The following MAN1A2 variants were observed in gnomAD, a reference collection of about 807,000 sequenced individuals.
MAN1A2 encodes the protein mannosyl-oligosaccharide 1,2-alpha-mannosidase IB.
MAN1A2 carries 26 observed loss-of-function variants against 75.7 expected under a neutral mutation model. That is an observed-to-expected ratio of 0.34 (90% CI 0.25 to 0.48). MAN1A2 has a LOEUF of 0.48. Among genes scored for constraint, MAN1A2 ranks in the 20% least tolerant of loss-of-function variants. MAN1A2 has a pLI of 0.99. For synonymous variants in MAN1A2, 247 were observed against 264.6 expected (o/e 0.93, Z 0.65); for missense variants, 562 against 775.5 (o/e 0.72, Z 3.27).
intron 3 of MAN1A2, among the ~76,000 whole-genome samples, chr1:117,409,247 G>A (rs1647725930): frequency 6.6e-6 from 1 of 152,004 alleles, no homozygotes; most frequent in South Asian, 2.1e-4. Flanking sequence ...CTTTTCTAAT[G>A]TGTTTATTAC....
At chr1:117,440,805 T>C (rs12402290) in intron 5 of MAN1A2, among the ~76,000 whole-genome samples, 11,606 of 152,142 alleles carry the variant, frequency 0.076, 493 homozygotes, top group Middle Eastern at 0.14. Flanking sequence ...AACAAAGATA[T>C]AGTATTAATA....
In MAN1A2 at chr1:117,528,024, A is replaced by G. The variant is rs1006586762; in HGVS notation, c.*5067A>G. 12 of 152,076 alleles carry G rather than the reference A, an allele frequency of 7.9e-5. No homozygotes were observed. The highest frequency in any genetic ancestry group is 2.4e-4 in the African/African-American group (10 of 41,436). The allele number at this position is 152,076 out of a possible 1,614,324, so 9.4% of individuals were successfully genotyped here. On this transcript the variant is annotated 3_prime_UTR_variant, in exon 13 of 13. Coordinates refer to ENST00000356554, the MANE Select transcript of MAN1A2 (RefSeq NM_006699.5). ...CAAAAGGAGAATCCCTTTCTCTTGC[A>G]TAACTCTCAATCCTTTACAAGTAAG...
intron 10 of MAN1A2, among the ~76,000 whole-genome samples, chr1:117,497,875 C>T (rs957647068): frequency 4.6e-5 from 7 of 151,778 alleles, no homozygotes; most frequent in East Asian, 1.9e-4. Context: ...TATTTGATTT[C>T]GGAAGTTGAA....
intron 5 of MAN1A2, among the ~76,000 whole-genome samples, chr1:117,427,285 T>C (rs1648406851): frequency 6.6e-6 from 1 of 152,154 alleles, no homozygotes; most frequent in Non-Finnish European, 1.5e-5. Flanking sequence ...AAAATATTTC[T>C]GAAATGACCA....
chr1:117,497,303 AAC>A (rs1311295764), intron 10 of MAN1A2, among the ~76,000 whole-genome samples: 2 of 152,034 alleles, frequency 1.3e-5, no homozygotes, highest in South Asian at 2.1e-4. Context: ...CTTCTATAAA[AAC>A]AGTTACTTAA....
At chr1:117,381,813 G>A (rs1011186286) in intron 1 of MAN1A2, among the ~76,000 whole-genome samples, 18 of 152,070 alleles carry the variant, frequency 1.2e-4, no homozygotes, top group Non-Finnish European at 2.5e-4. Flanking sequence ...CAGTGTAAAA[G>A]TATTCCTATT....
At chr1:117,518,339 T>G (rs1557982355) in intron 12 of MAN1A2, among the ~76,000 whole-genome samples, 1 of 152,040 alleles carries the variant, frequency 6.6e-6, no homozygotes. Context: ...TTCAAATCCC[T>G]TTTATAAGTA....
intron 10 of MAN1A2, 39 bp from the exon 11 acceptor site, chr1:117,499,343 G>GTTT: frequency 7.1e-7 from 1 of 1,401,166 alleles, no homozygotes; most frequent in Non-Finnish European, 9.5e-7. Context: ...AAACATAAAT[G>GTTT]GTTTATTTTG....
Position 117,523,345 on chromosome 1 carries a change from T to C in MAN1A2, c.*388T>C. On this transcript the variant is annotated 3_prime_UTR_variant, in exon 13 of 13. Transcript: ENST00000356554. ...GATGGCCTTTGGAACCAATTATGTA[T>C]TTGTTTCCTCCTACAGTGGAGCAGC... is the stretch of plus-strand genomic sequence containing the variant. 2.2e-6 allele frequency: 1 copy of C among 463,236 alleles called. No individual in the cohort carries two copies. The highest frequency in any genetic ancestry group is 1.6e-5 in the South Asian group (1 of 61,990). The allele number at this position is 463,236 out of a possible 1,614,324, so 28.7% of individuals were successfully genotyped here.
Position 117,525,205 on chromosome 1 carries a change from TACAA to T in MAN1A2, c.*2254_*2257del, listed in dbSNP as rs768079599. 3.5e-5 allele frequency: 17 copies of T among 491,108 alleles called. No individual in the cohort carries two copies. Among genetic ancestry groups the T allele is most frequent in the Middle Eastern group, 6.6e-4 (2 of 3,048 alleles). 30.4% of individuals were successfully genotyped at this position (491,108 alleles called of 1,614,324 possible). On this transcript the variant is annotated 3_prime_UTR_variant, in exon 13 of 13. Coordinates refer to ENST00000356554, the MANE Select transcript of MAN1A2 (RefSeq NM_006699.5). ...AGTATACAAGCAGAGCCAGTTCTGG[TACAA>T]ACAAAGAATTTGACAGGGACAATGG...
At chr1:117,459,002 C>G (rs1253695269) in intron 6 of MAN1A2, among the ~76,000 whole-genome samples, 1 of 151,976 alleles carries the variant, frequency 6.6e-6, no homozygotes, top group Non-Finnish European at 1.5e-5. Context: ...GAAAGCTAGA[C>G]AAAATATATA....
chr1:117,385,720 C>T (rs1405256239), intron 1 of MAN1A2, among the ~76,000 whole-genome samples: 1 of 152,166 alleles, frequency 6.6e-6, no homozygotes, highest in African/African-American at 2.4e-5. Context: ...GCAACTGTAA[C>T]ACATGCAGAA....
intron 5 of MAN1A2, among the ~76,000 whole-genome samples, chr1:117,424,457 G>A (rs773592649): frequency 6.4e-4 from 98 of 152,188 alleles, no homozygotes; most frequent in Non-Finnish European, 1.2e-3. Context: ...TCCACCTTTC[G>A]TACCCATAAG....
At chr1:117,493,376 C>A (rs775675658) in intron 9 of MAN1A2, 114 bp downstream of exon 9, 41 of 578,334 alleles carry the variant, frequency 7.1e-5, no homozygotes, top group Non-Finnish European at 1.1e-4. Context: ...TAAATACATA[C>A]AAACATTTTA....
At position 117,527,953 on chromosome 1, in the gene MAN1A2, C is replaced by A. The variant is rs1416369006; in HGVS notation, c.*4996C>A. On this transcript the variant is annotated 3_prime_UTR_variant, in exon 13 of 13. Coordinates refer to ENST00000356554, the MANE Select transcript of MAN1A2 (RefSeq NM_006699.5). ...CTGCAGAACGGTACTGCCCCTGTTA[C>A]CTCTAGAATAGCCTGAGTCTGAGGA... 1.3e-5 allele frequency: 2 copies of A among 152,040 alleles called. No individual in the cohort carries two copies. Among genetic ancestry groups the A allele is most frequent in the Non-Finnish European group, 2.9e-5 (2 of 67,980 alleles). The allele number at this position is 152,040 out of a possible 1,614,324, so 9.4% of individuals were successfully genotyped here.
chr1:117,497,014 C>CT, intron 10 of MAN1A2, 32 bp downstream of exon 10: 1 of 1,516,350 alleles, frequency 6.6e-7, no homozygotes. Flanking sequence ...ATTATATAGT[C>CT]TAAAATAATC....
intron 6 of MAN1A2, among the ~76,000 whole-genome samples, chr1:117,448,589 T>C (rs1431813070): frequency 1.3e-5 from 2 of 152,216 alleles, no homozygotes; most frequent in Non-Finnish European, 2.9e-5. Context: ...TTGACAAGCT[T>C]GAAGGCAGAT....
chr1:117,499,537 G>T lies in MAN1A2; in HGVS notation c.1660G>T (p.Gly554Cys). 1 of 1,602,362 alleles carries T rather than the reference G, an allele frequency of 6.2e-7. No homozygotes were observed. Among genetic ancestry groups the T allele is most frequent in the Non-Finnish European group, 8.5e-7 (1 of 1,174,496 alleles). ...FTHDPRYRQW[G>C]WEAALAIEKY... ...TCACGATCCAAGATACAGGCAGTGGGGCTGGGAAGCAGCACTGGTAAATAA... is the reference window on the plus strand; with the variant it reads ...TCACGATCCAAGATACAGGCAGTGGTGCTGGGAAGCAGCACTGGTAAATAA... Residue 554 changes from glycine to cysteine, a missense_variant, in exon 11 of 13, where the codon GGC becomes TGC. Gly to Cys is a radical substitution (Grantham distance 159, BLOSUM62 -3). This residue lies in a region of MAN1A2 where 434 missense variants were observed against 645.7 expected (regional missense o/e 0.67). Transcript: ENST00000356554.
At chr1:117,430,223 T>A in intron 5 of MAN1A2, among the ~76,000 whole-genome samples, 4 of 106,794 alleles carry the variant, frequency 3.7e-5, no homozygotes, top group Admixed American at 8.5e-5. Flanking sequence ...CCCCCCCACC[T>A]CCCTCCCGGA....
Sources: allele counts gnomAD v4.1 joint callset (sites outside exome capture counted in the v4.1 genomes callset), GRCh38; gene constraint gnomAD v4.1.1; regional missense constraint gnomAD v4.1.1; transcripts MANE v1.5; gene names NCBI Gene and HGNC (gene_info 2026-07-23, HGNC 2026-07-21).